Variants in ZNF805 observed in about 807,000 individuals in gnomAD.
The protein encoded by ZNF805 is zinc finger protein 805.
In ZNF805, 7 loss-of-function variants were observed where a neutral mutation model predicts 13.6. That is an observed-to-expected ratio of 0.51 (90% CI 0.29 to 0.97). ZNF805 has a LOEUF of 0.97. Ranked by LOEUF, ZNF805 falls within the 50% of genes least tolerant of loss-of-function variation. The pLI is 0.08. For missense variants in ZNF805, 604 were observed against 771.0 expected (o/e 0.78, Z 2.57); for synonymous variants, 293 against 279.8 (o/e 1.05, Z -0.47).
At chr19:57,245,551 G>A (rs549179000) in intron 2 of ZNF805, among the ~76,000 whole-genome samples, 1 of 150,796 alleles carries the variant, frequency 6.6e-6, no homozygotes, top group Non-Finnish European at 1.5e-5. Context: ...AGGCCGAGAT[G>A]GGCGGATCAC....
rs2087666322 is a variant in ZNF805, at chr19:57,253,668, A to G, written c.849A>G (p.Gly283=). 2 of 1,613,078 alleles carry G rather than the reference A, an allele frequency of 1.2e-6. No individual in the cohort carries two copies. The highest frequency in any genetic ancestry group is 1.3e-5 in the African/African-American group (1 of 74,608). The part of the protein sequence containing the change: ...HLTQHQRIHS[G]EKPYKCSECG... Reference sequence around the variant, plus strand: ...CCCAGCACCAGCGGATTCACAGTGGAGAGAAGCCTTATAAGTGCAGTGAAT... The same window carrying G: ...CCCAGCACCAGCGGATTCACAGTGGGGAGAAGCCTTATAAGTGCAGTGAAT... Residue 283 remains glycine (G), a synonymous_variant, in exon 4 of 4, where the codon GGA becomes GGG. Transcript: ENST00000414468. This position sits in a 1 kb window ranked among gnomAD's most constrained non-coding sequence, Gnocchi z 4.4.
rs572136732 is a variant in ZNF805, at chr19:57,257,743, G to A, written c.*3040G>A. On this transcript the variant is annotated 3_prime_UTR_variant, in exon 4 of 4. Transcript: ENST00000414468. The stretch of plus-strand genomic sequence containing the variant: ...TTTTTTGAGACGGAGTTTTGTTCTT[G>A]TTGCCCAGGCTGGAGTGGAGTGGTG... Among the ~76,000 whole-genome samples the A allele has an allele frequency of 3.5e-5, 1 of 28,540 alleles. No homozygotes were observed. The highest frequency in any genetic ancestry group is 1.0e-3 in the South Asian group (1 of 978). 18.7% of individuals were successfully genotyped at this position (28,540 alleles called of 152,430 possible). A position where few individuals can be genotyped will look rare whatever the true frequency, so the allele number is the denominator to read the frequency against.
intron 3 of ZNF805, among the ~76,000 whole-genome samples, chr19:57,250,259 T>G (rs1447161613): frequency 3.3e-5 from 5 of 152,064 alleles, no homozygotes; most frequent in Non-Finnish European, 5.9e-5. Flanking sequence ...TGAGATGGAG[T>G]TTTGCTCTTG....
At position 57,259,651 on chromosome 19, in the gene ZNF805, T is replaced by C. The variant is rs964368831; in HGVS notation, c.*4948T>C. On this transcript the variant is annotated 3_prime_UTR_variant, in exon 4 of 4. Transcript: ENST00000414468. ...CCTCCCGAGTAGCTGGGACTACAGG[T>C]GCCCGCCACCATGCCCGGCTAATTT... is the stretch of plus-strand genomic sequence containing the variant. Among the ~76,000 whole-genome samples, 3 of 151,932 alleles carry C rather than the reference T, an allele frequency of 2.0e-5. No homozygotes were observed. Among genetic ancestry groups the C allele is most frequent in the Non-Finnish European group, 4.4e-5 (3 of 67,964 alleles).
At chr19:57,248,757 AC>A in intron 3 of ZNF805, 57 bp downstream of exon 3, 2 of 1,432,314 alleles carry the variant, frequency 1.4e-6, no homozygotes, top group Non-Finnish European at 1.9e-6. Flanking sequence ...CTTCGAGGAG[AC>A]CACTGGCCCT....
In ZNF805 at chr19:57,254,775, T is replaced by G. The variant is rs1296619602; in HGVS notation, c.*72T>G. The G allele has an allele frequency of 1.4e-6, 2 of 1,445,778 alleles. No homozygotes were observed. Among genetic ancestry groups the G allele is most frequent in the African/African-American group, 2.9e-5 (2 of 69,782 alleles). The allele number at this position is 1,445,778 out of a possible 1,614,324, so 89.6% of individuals were successfully genotyped here. A position where few individuals can be genotyped will look rare whatever the true frequency, so the allele number is the denominator to read the frequency against. The stretch of plus-strand genomic sequence containing the variant: ...TTAGAAAATCACGCAGCTTAGAGCC[T>G]TATTCTCCATCCGAATTCATCCTGG... On this transcript the variant is annotated 3_prime_UTR_variant, in exon 4 of 4. Coordinates refer to ENST00000414468, the MANE Select transcript of ZNF805 (RefSeq NM_001023563.4).
At position 57,254,162 on chromosome 19, in the gene ZNF805, C is replaced by T. The variant is rs761723749; in HGVS notation, c.1343C>T (p.Ala448Val). The T allele has an allele frequency of 1.2e-6, 2 of 1,612,648 alleles. No homozygotes were observed. Among genetic ancestry groups the T allele is most frequent in the South Asian group, 1.1e-5 (1 of 91,000 alleles). ...TCTACTTTCATCTTGCATAAAAGGG[C>T]CCACACTGGAGAAAAACCTTTCGAG... ...HCSTFILHKRAHTGEKPFECK... is the reference protein window; with the variant it reads ...HCSTFILHKRVHTGEKPFECK... Residue 448 changes from alanine to valine, a missense_variant, in exon 4 of 4, where the codon GCC (alanine) becomes GTC (valine). Ala to Val is a moderately conservative substitution (Grantham distance 64). Around this residue, in one of 3 missense-constraint regions of ZNF805, gnomAD observed 228 missense variants for 352.8 expected, o/e 0.65. Coordinates refer to ENST00000414468, the MANE Select transcript of ZNF805 (RefSeq NM_001023563.4).
At chr19:57,243,782 G>C (rs900090720) in intron 1 of ZNF805, 141 bp from the exon 2 acceptor site, 672 of 1,165,792 alleles carry the variant, frequency 5.8e-4, no homozygotes, top group Non-Finnish European at 3.2e-4. Context: ...AGCAATGTCT[G>C]CCTTCCTCCT....
chr19:57,251,924 G>A (rs1006800140), intron 3 of ZNF805, among the ~76,000 whole-genome samples: 1 of 152,120 alleles, frequency 6.6e-6, no homozygotes, highest in Non-Finnish European at 1.5e-5. Flanking sequence ...ATGTGCAAGG[G>A]GATTTCTGAG....
chr19:57,244,367 T>C (rs1408044028), intron 2 of ZNF805, among the ~76,000 whole-genome samples: 1 of 151,882 alleles, frequency 6.6e-6, no homozygotes, highest in African/African-American at 2.4e-5. Context: ...CCCACCACCA[T>C]GCCTGGCTAA....
rs745465929 is a variant in ZNF805 at position 57,253,957 on chromosome 19, T to G, written c.1138T>G (p.Phe380Val). ...PYECSECGKA[F>V]CESAALIHHY... ...TGAGTGCAGTGAATGTGGGAAGGCC[T>G]TCTGTGAGAGCGCAGCGCTGATTCA... The change falls in exon 4 of 4, where the codon TTC (phenylalanine) becomes GTC (valine). Residue 380 changes from phenylalanine (F) to valine (V), a missense_variant. Phe to Val is a conservative substitution (Grantham distance 50). Transcript: ENST00000414468. The surrounding 1 kb of genome is among the most constrained non-coding windows in gnomAD (Gnocchi z 4.4). 1.9e-6 allele frequency: 3 copies of G among 1,614,026 alleles called. No individual in the cohort carries two copies. The highest frequency in any genetic ancestry group is 2.5e-6 in the Non-Finnish European group (3 of 1,180,014).
In ZNF805 at chr19:57,254,160, G is replaced by A; in HGVS notation, c.1341G>A (p.Arg447=). The A allele has an allele frequency of 6.2e-7, 1 of 1,613,800 alleles. No homozygotes were observed. The highest frequency in any genetic ancestry group is 1.1e-5 in the South Asian group (1 of 91,064). Residue 447 remains arginine (R), a synonymous_variant, in exon 4 of 4, where the codon AGG becomes AGA. Coordinates refer to ENST00000414468, the MANE Select transcript of ZNF805 (RefSeq NM_001023563.4). Reference sequence around the variant, plus strand: ...GCTCTACTTTCATCTTGCATAAAAGGGCCCACACTGGAGAAAAACCTTTCG... The same window carrying A: ...GCTCTACTTTCATCTTGCATAAAAGAGCCCACACTGGAGAAAAACCTTTCG... ...THCSTFILHK[R]AHTGEKPFEC...
intron 3 of ZNF805, 50 bp downstream of exon 3, chr19:57,248,750 C>T: frequency 2.0e-6 from 3 of 1,470,740 alleles, no homozygotes; most frequent in South Asian, 1.2e-5. Flanking sequence ...CTTGAGACTT[C>T]GAGGAGACCA....
chr19:57,247,646 G>A (rs1181220816), intron 2 of ZNF805, among the ~76,000 whole-genome samples: 6 of 152,196 alleles, frequency 3.9e-5, no homozygotes, highest in Non-Finnish European at 5.9e-5. Flanking sequence ...GTTTCCACCA[G>A]TACTATTACC....
intron 1 of ZNF805, among the ~76,000 whole-genome samples, chr19:57,242,851 G>A (rs1377128513): frequency 1.3e-5 from 2 of 152,146 alleles, no homozygotes; most frequent in East Asian, 3.9e-4. Context: ...AGGATTATTG[G>A]GGTCACAGTA....
rs1173623599 is a variant in ZNF805, at chr19:57,257,528, T to A, written c.*2825T>A. ...TGTCCCTTTTTGTTCCTGTTAATACTCTTATCAATTTTTATCTGATATTTG... is the reference window on the plus strand; with the variant it reads ...TGTCCCTTTTTGTTCCTGTTAATACACTTATCAATTTTTATCTGATATTTG... On this transcript the variant is annotated 3_prime_UTR_variant, in exon 4 of 4. Coordinates refer to ENST00000414468, the MANE Select transcript of ZNF805 (RefSeq NM_001023563.4). Among the ~76,000 whole-genome samples the A allele has an allele frequency of 7.3e-6, 1 of 137,532 alleles. No homozygotes were observed. The highest frequency in any genetic ancestry group is 1.7e-5 in the Non-Finnish European group (1 of 58,822). The allele number at this position is 137,532 out of a possible 152,430, so 90.2% of individuals were successfully genotyped here.
chr19:57,244,526 C>G (rs1007956736), intron 2 of ZNF805, among the ~76,000 whole-genome samples: 16 of 152,056 alleles, frequency 1.1e-4, no homozygotes, highest in African/African-American at 3.9e-4. Context: ...TCACCTCTTC[C>G]TATACAGTCT....
intron 1 of ZNF805, among the ~76,000 whole-genome samples, chr19:57,241,162 T>C (rs1359933954): frequency 6.6e-6 from 1 of 152,064 alleles, no homozygotes; most frequent in Non-Finnish European, 1.5e-5. Context: ...AATTTTTTTG[T>C]AGCAACCTGC....
chr19:57,252,345 C>G (rs2087656789), intron 3 of ZNF805, among the ~76,000 whole-genome samples: 1 of 152,168 alleles, frequency 6.6e-6, no homozygotes, highest in African/African-American at 2.4e-5. Flanking sequence ...TTTCCTGAAA[C>G]CAACCTTAGG....
Sources: gnomAD v4.1 joint callset for allele counts (sites outside exome capture counted in the v4.1 genomes callset) on GRCh38, gnomAD v4.1.1 for gene constraint, gnomAD v4.1.1 regional missense constraint, Gnocchi (gnomAD v3.1) non-coding constraint, MANE v1.5 for transcripts, NCBI Gene and HGNC (gene_info 2026-07-23, HGNC 2026-07-21) for gene names.